The following RIMKLB variants were observed in gnomAD, a reference collection of about 807,000 sequenced individuals.
RIMKLB encodes beta-citrylglutamate synthase B.
A neutral mutation model predicts 32.0 loss-of-function variants in RIMKLB; 7 were observed. The ratio of observed to expected loss-of-function variants is 0.22; its 90% CI spans 0.12 to 0.41. The LOEUF (loss-of-function observed/expected upper bound fraction) is 0.41. Ranked by LOEUF, RIMKLB falls within the 10% of genes least tolerant of loss-of-function variation. The pLI, the probability that RIMKLB is intolerant of heterozygous loss-of-function variation, is 1.00. For synonymous variants in RIMKLB, 172 were observed against 185.1 expected (o/e 0.93, Z 0.57); for missense variants, 289 against 498.7 (o/e 0.58, Z 4.00).
At chr12:8,772,978 TTTATTA>T (rs1371750949) in intron 5 of RIMKLB, among the ~76,000 whole-genome samples, 4 of 152,368 alleles carry the variant, frequency 2.6e-5, no homozygotes, top group Admixed American at 2.6e-4. Context: ...GTTATGCATT[TTTATTA>T]TTTTTATAAA....
intron 3 of RIMKLB, among the ~76,000 whole-genome samples, chr12:8,750,705 T>G (rs1948551790): frequency 6.6e-6 from 1 of 152,170 alleles, no homozygotes; most frequent in African/African-American, 2.4e-5. Context: ...AGTGCCAGAT[T>G]GCTATAAAAG....
upstream of RIMKLB, among the ~76,000 whole-genome samples, chr12:8,696,177 T>C (rs763608310): frequency 6.6e-6 from 1 of 152,050 alleles, no homozygotes; most frequent in Non-Finnish European, 1.5e-5. Flanking sequence ...TTTTTTTCCC[T>C]GTGTCAATTT....
At chr12:8,674,605 A>C in the RIMKLB span, among the ~76,000 whole-genome samples, 1,382 of 151,852 alleles carry the variant, frequency 9.1e-3, 30 homozygotes, top group African/African-American at 0.03. Context: ...GCTGGAGTGC[A>C]GTGGCGATAT....
At chr12:8,690,268 T>C (rs1055371220) in intron 1 of RIMKLB, among the ~76,000 whole-genome samples, 6 of 152,250 alleles carry the variant, frequency 3.9e-5, no homozygotes, top group Admixed American at 2.6e-4. Context: ...AAGAATCATG[T>C]ATGTGTTAGT....
At chr12:8,690,938 CAAAAA>C (rs1399821433) in intron 1 of RIMKLB, among the ~76,000 whole-genome samples, 1 of 151,848 alleles carries the variant, frequency 6.6e-6, no homozygotes, top group Non-Finnish European at 1.5e-5. Context: ...CAAAACAAAA[CAAAAA>C]AAGAAGATAA....
chr12:8,746,652 T>C (rs1197327356), intron 2 of RIMKLB, among the ~76,000 whole-genome samples: 1 of 151,640 alleles, frequency 6.6e-6, no homozygotes, highest in Non-Finnish European at 1.5e-5. Context: ...CAAATGATTG[T>C]GAGGAGAATG....
At chr12:8,705,492 AAAG>A (rs965861526) in intron 1 of RIMKLB, among the ~76,000 whole-genome samples, 1 of 151,898 alleles carries the variant, frequency 6.6e-6, no homozygotes, top group African/African-American at 2.4e-5. Context: ...AAAAAAAAAA[AAAG>A]TAAAATGCCG....
At chr12:8,718,636 C>CTT (rs1945093147) in intron 2 of RIMKLB, among the ~76,000 whole-genome samples, 1 of 121,342 alleles carries the variant, frequency 8.2e-6, no homozygotes, top group Admixed American at 8.1e-5. Context: ...AGCGAGACTC[C>CTT]GTCTCTCTCT....
rs1950706887 is a variant in RIMKLB, at chr12:8,776,064, T to C, written c.*2280T>C. 2.0e-6 allele frequency: 2 copies of C among 981,866 alleles called. No individual in the cohort carries two copies. Among genetic ancestry groups the C allele is most frequent in the African/African-American group, 1.7e-5 (1 of 57,300 alleles). 60.8% of individuals were successfully genotyped at this position (981,866 alleles called of 1,614,324 possible). A position where few individuals can be genotyped will look rare whatever the true frequency, so the allele number is the denominator to read the frequency against. On this transcript the variant is annotated 3_prime_UTR_variant, in exon 6 of 6. Transcript: ENST00000535829. ...TCATATAGAGACCATCTGGTTGCCA[T>C]GTGTATTATGACACATACACTTTGA...
chr12:8,693,245 G>A (rs766100801), upstream of RIMKLB, among the ~76,000 whole-genome samples: 52 of 152,230 alleles, frequency 3.4e-4, no homozygotes, highest in Middle Eastern at 3.4e-3. Flanking sequence ...AATCAGAGAC[G>A]TGGGGTTGAC....
chr12:8,711,584 A>G (rs980279414), intron 1 of RIMKLB, among the ~76,000 whole-genome samples: 6 of 152,080 alleles, frequency 3.9e-5, no homozygotes, highest in Non-Finnish European at 7.4e-5. Context: ...TTAGTTACAT[A>G]TGTATACATG....
At chr12:8,782,983 G>C (rs1951188444) in exon 8 of RIMKLB, 1 of 152,174 alleles carries the variant, frequency 6.6e-6, no homozygotes, top group Admixed American at 6.5e-5. Context: ...AGATTTGACT[G>C]TGTGCTTTTT....
At chr12:8,717,820 C>A (rs1188329280) in intron 2 of RIMKLB, among the ~76,000 whole-genome samples, 1 of 152,112 alleles carries the variant, frequency 6.6e-6, no homozygotes, top group African/African-American at 2.4e-5. Context: ...TCCCAAATCC[C>A]CTTTATGTTT....
rs908339785 is a variant in RIMKLB at position 8,775,449 on chromosome 12, A to G, written c.*1665A>G. The G allele has an allele frequency of 1.6e-5, 16 of 985,560 alleles. No individual in the cohort carries two copies. The highest frequency in any genetic ancestry group is 1.7e-5 in the African/African-American group (1 of 57,228). The allele number at this position is 985,560 out of a possible 1,614,324, so 61.1% of individuals were successfully genotyped here. The stretch of plus-strand genomic sequence containing the variant: ...ATGGAGATGCTGCAGAGCCCAACGT[A>G]ATTTTTTAAACAGCAAGTTTTCCAT... On this transcript the variant is annotated 3_prime_UTR_variant, in exon 6 of 6. Coordinates refer to ENST00000535829, the MANE Select transcript of RIMKLB (RefSeq NM_001297776.2).
intron 2 of RIMKLB, among the ~76,000 whole-genome samples, chr12:8,719,937 A>G (rs1447143877): frequency 6.6e-6 from 1 of 152,226 alleles, no homozygotes; most frequent in Non-Finnish European, 1.5e-5. Flanking sequence ...GTCTGGCCTC[A>G]AGGTAGGGCC....
intron 2 of RIMKLB, among the ~76,000 whole-genome samples, chr12:8,731,497 C>T (rs1946544382): frequency 6.6e-6 from 1 of 151,620 alleles, no homozygotes; most frequent in Non-Finnish European, 1.5e-5. Context: ...ATGATGAGGG[C>T]TTGGAATTTC....
chr12:8,707,468 A>G (rs1009590121), intron 1 of RIMKLB, among the ~76,000 whole-genome samples: 1 of 152,378 alleles, frequency 6.6e-6, no homozygotes, highest in African/African-American at 2.4e-5. Context: ...GTCACCCTCC[A>G]GGATCTGCTA....
the RIMKLB span, among the ~76,000 whole-genome samples, chr12:8,674,261 C>T: frequency 3.0e-3 from 361 of 119,282 alleles, no homozygotes; most frequent in Middle Eastern, 6.8e-3. Flanking sequence ...TTTTTTGAGA[C>T]GGAGTCTCGC....
intron 1 of RIMKLB, among the ~76,000 whole-genome samples, chr12:8,704,094 G>T (rs188676239): frequency 2.6e-5 from 4 of 152,150 alleles, no homozygotes; most frequent in Non-Finnish European, 5.9e-5. Flanking sequence ...TGTAGAAAGT[G>T]TTTTATGGGT....
Sources: gnomAD v4.1 joint callset for allele counts (sites outside exome capture counted in the v4.1 genomes callset) on GRCh38, gnomAD v4.1.1 for gene constraint, MANE v1.5 for transcripts, NCBI Gene and HGNC (gene_info 2026-07-23, HGNC 2026-07-21) for gene names.